The following TRPM3 variants were observed in gnomAD, a reference collection of about 807,000 sequenced individuals.
The protein encoded by TRPM3 is transient receptor potential cation channel subfamily M member 3.
Under a neutral mutation model 181.2 loss-of-function variants are expected in TRPM3, and 77 were observed. The ratio of observed to expected loss-of-function variants is 0.42; its 90% CI spans 0.35 to 0.51. TRPM3 has a LOEUF of 0.51. TRPM3 is among the 20% of genes least tolerant of loss of function. The pLI, the probability that TRPM3 is intolerant of heterozygous loss-of-function variation, is 0.01. For synonymous variants in TRPM3, 745 were observed against 796.4 expected (o/e 0.94, Z 1.09); for missense variants, 1,759 against 2,196.7 (o/e 0.80, Z 3.98).
At chr9:70,913,141 T>C (rs1012019795) in intron 1 of TRPM3, among the ~76,000 whole-genome samples, 3 of 152,224 alleles carry the variant, frequency 2.0e-5, no homozygotes, top group African/African-American at 7.2e-5. Flanking sequence ...AAATAGTAGA[T>C]ACAACATTTT....
intron 1 of TRPM3, among the ~76,000 whole-genome samples, chr9:71,295,719 G>A (rs373820799): frequency 4.0e-5 from 6 of 151,450 alleles, no homozygotes; most frequent in Middle Eastern, 3.4e-3. Context: ...TGTACTAGTA[G>A]TCCCAGCTAC....
At chr9:70,584,871 CTT>C (rs540333409) in intron 22 of TRPM3, among the ~76,000 whole-genome samples, 5 of 152,224 alleles carry the variant, frequency 3.3e-5, no homozygotes, top group Non-Finnish European at 7.3e-5. Flanking sequence ...AAGCCTCAAT[CTT>C]GGATTAATCC....
chr9:71,203,343 C>G (rs917503259), intron 1 of TRPM3, among the ~76,000 whole-genome samples: 12 of 152,294 alleles, frequency 7.9e-5, no homozygotes, highest in Middle Eastern at 6.8e-3. Flanking sequence ...AATGCATATT[C>G]AATATTAGTG....
rs185168880 is a variant in TRPM3, at chr9:71,418,674, C to T, written c.183+27979G>A. Among the ~76,000 whole-genome samples the T allele has an allele frequency of 2.0e-3, 295 of 151,178 alleles. 1 individual carries two copies. The highest frequency in any genetic ancestry group is 6.6e-3 in the African/African-American group (273 of 41,290). On this transcript the variant is annotated intron_variant, in intron 1 of 24. Coordinates refer to the TRPM3 transcript ENST00000357533. ...GTTAAATATCTCAATCTATGAAACT[C>T]AACTGAGGATGCCCCTTTGTCTCAA...
chr9:71,370,665 G>C (rs2092480241), intron 1 of TRPM3, among the ~76,000 whole-genome samples: 2 of 152,182 alleles, frequency 1.3e-5, no homozygotes, highest in Admixed American at 1.3e-4. Context: ...ATTACAAGGT[G>C]AAAGAGCAAG....
At chr9:71,155,727 C>T (rs2075969651) in intron 1 of TRPM3, among the ~76,000 whole-genome samples, 1 of 151,992 alleles carries the variant, frequency 6.6e-6, no homozygotes, top group African/African-American at 2.4e-5. Context: ...TTATTTACAT[C>T]TTAGCAAAGA....
intron 8 of TRPM3, among the ~76,000 whole-genome samples, chr9:70,741,813 G>A (rs1236056475): frequency 6.6e-6 from 1 of 152,108 alleles, no homozygotes; most frequent in East Asian, 1.9e-4. Flanking sequence ...CGGACTTTGG[G>A]TACTTGGGGA....
intron 1 of TRPM3, among the ~76,000 whole-genome samples, chr9:71,127,750 A>C (rs1445133453): frequency 6.6e-6 from 1 of 152,226 alleles, no homozygotes; most frequent in East Asian, 1.9e-4. Flanking sequence ...AGCATAGTCC[A>C]TAAGCGCACA....
chr9:70,616,709 A>C lies in TRPM3; in HGVS notation c.2359-634T>G, dbSNP rs189917127. On this transcript the variant is annotated intron_variant, in intron 17 of 25. Transcript: ENST00000677713. Reference sequence around the variant, plus strand: ...CACAAACACACATACACACACACACACCCCCCAGTGGGCTCCGTATGTGCT... The same window carrying C: ...CACAAACACACATACACACACACACCCCCCCCAGTGGGCTCCGTATGTGCT... 8.9e-3 allele frequency among the ~76,000 whole-genome samples: 1,343 copies of C among 151,446 alleles called. 25 individuals are homozygous for C. Among genetic ancestry groups the C allele is most frequent in the African/African-American group, 0.03 (1,255 of 41,206 alleles).
At chr9:70,585,445 T>C (rs1230163638) in intron 22 of TRPM3, among the ~76,000 whole-genome samples, 6 of 152,198 alleles carry the variant, frequency 3.9e-5, no homozygotes, top group Non-Finnish European at 7.3e-5. Flanking sequence ...CAGAGTTCTA[T>C]GTGCAAAATA....
chr9:70,858,971 A>G (rs1229791430), intron 3 of TRPM3, among the ~76,000 whole-genome samples: 1 of 152,026 alleles, frequency 6.6e-6, no homozygotes, highest in Non-Finnish European at 1.5e-5. Flanking sequence ...TTTCAGGGTA[A>G]TGATAAGGGA....
chr9:71,116,643 A>C (rs2072448691), intron 1 of TRPM3, among the ~76,000 whole-genome samples: 1 of 152,172 alleles, frequency 6.6e-6, no homozygotes, highest in Admixed American at 6.5e-5. Context: ...TTGCTCCTTC[A>C]GTTAATTCCC....
At chr9:71,251,051 A>AATGG (rs2082314557) in intron 1 of TRPM3, among the ~76,000 whole-genome samples, 1 of 152,128 alleles carries the variant, frequency 6.6e-6, no homozygotes, top group South Asian at 2.1e-4. Flanking sequence ...TGGATGGATG[A>AATGG]ATGGATGGAT....
At chr9:70,782,653 T>C (rs1261754242) in intron 7 of TRPM3, among the ~76,000 whole-genome samples, 4 of 152,116 alleles carry the variant, frequency 2.6e-5, no homozygotes, top group Non-Finnish European at 4.4e-5. Context: ...TAAAATATAA[T>C]AGTAATTTAA....
At chr9:71,137,414 A>G (rs761431605) in intron 1 of TRPM3, among the ~76,000 whole-genome samples, 8 of 152,232 alleles carry the variant, frequency 5.3e-5, no homozygotes, top group Non-Finnish European at 1.2e-4. Flanking sequence ...AAGTCAATAC[A>G]TAAGACCAGC....
intron 7 of TRPM3, among the ~76,000 whole-genome samples, chr9:70,762,136 G>C (rs2078257709): frequency 6.6e-6 from 1 of 152,186 alleles, no homozygotes; most frequent in East Asian, 1.9e-4. Flanking sequence ...TTAAATTGCA[G>C]CGTCATGTCT....
At chr9:71,411,388 A>C (rs878983770) in intron 1 of TRPM3, among the ~76,000 whole-genome samples, 2 of 152,252 alleles carry the variant, frequency 1.3e-5, no homozygotes, top group Non-Finnish European at 2.9e-5. Flanking sequence ...TTAAGCTGAT[A>C]AGCAACTTCA....
chr9:71,021,648 G>T (rs2097848458), intron 1 of TRPM3, among the ~76,000 whole-genome samples: 1 of 152,112 alleles, frequency 6.6e-6, no homozygotes, highest in South Asian at 2.1e-4. Flanking sequence ...TGTAAATGTT[G>T]AAAAGTTTCA....
intron 1 of TRPM3, among the ~76,000 whole-genome samples, chr9:71,233,780 T>G (rs2131922027): frequency 6.6e-6 from 1 of 152,336 alleles, no homozygotes; most frequent in African/African-American, 2.4e-5. Flanking sequence ...AAAAATTCAG[T>G]TAAGTCTTTA....
Sources: gnomAD v4.1 joint callset for allele counts (sites outside exome capture counted in the v4.1 genomes callset) on GRCh38, gnomAD v4.1.1 for gene constraint, MANE v1.5 for transcripts, NCBI Gene and HGNC (gene_info 2026-07-23, HGNC 2026-07-21) for gene names.